The following DGKI variants were observed in gnomAD, a reference collection of about 807,000 sequenced individuals.
The protein encoded by DGKI is diacylglycerol kinase iota.
DGKI carries 55 observed loss-of-function variants against 147.5 expected under a neutral mutation model. The ratio of observed to expected loss-of-function variants is 0.37; its 90% CI spans 0.30 to 0.47. DGKI has a LOEUF of 0.47. DGKI is among the 20% of genes least tolerant of loss of function. DGKI has a pLI of 1.00. For missense variants in DGKI, 1,007 were observed against 1,323.8 expected, an observed-to-expected ratio of 0.76 and a Z score of 3.71; for synonymous variants, 469 against 477.1, an observed-to-expected ratio of 0.98 and a Z score of 0.22.
intron 29 of DGKI, among the ~76,000 whole-genome samples, chr7:137,409,785 C>T (rs777052515): frequency 6.6e-6 from 1 of 152,168 alleles, no homozygotes; most frequent in South Asian, 2.1e-4. Flanking sequence ...TCCACGGACA[C>T]TTTCTGCAGC....
chr7:137,608,933 C>A (rs374809070), intron 10 of DGKI, 33 bp downstream of exon 10: 2 of 1,526,956 alleles, frequency 1.3e-6, no homozygotes, highest in Non-Finnish European at 1.8e-6. Context: ...ATTATCAAAA[C>A]TTCTAAGTTG....
intron 27 of DGKI, among the ~76,000 whole-genome samples, chr7:137,448,637 GGGAAGGA>G (rs1458459521): frequency 0.064 from 502 of 7,856 alleles, 97 homozygotes; most frequent in Non-Finnish European, 0.13. Context: ...GAGGGAGGAA[GGGAAGGA>G]GGAGGGAGGG....
At chr7:137,429,462 C>T (rs1419462793) in intron 28 of DGKI, among the ~76,000 whole-genome samples, 19 of 150,604 alleles carry the variant, frequency 1.3e-4, no homozygotes, top group African/African-American at 4.6e-4. Flanking sequence ...AGAAGAAAAC[C>T]TAGGCATTAC....
At chr7:137,686,973 T>G (rs559101511) in intron 2 of DGKI, among the ~76,000 whole-genome samples, 1 of 152,294 alleles carries the variant, frequency 6.6e-6, no homozygotes, top group African/African-American at 2.4e-5. Context: ...TGAACGTTTT[T>G]TTTAATCTTT....
intron 19 of DGKI, among the ~76,000 whole-genome samples, chr7:137,567,541 A>G (rs1818630941): frequency 6.6e-6 from 1 of 152,194 alleles, no homozygotes; most frequent in South Asian, 2.1e-4. Flanking sequence ...TCAGACTCAG[A>G]AACTTGACAG....
Position 137,638,624 on chromosome 7 carries a change from A to ATATGTG in DGKI, c.804+6847_804+6848insCACATA, listed in dbSNP as rs1199740243. Among the ~76,000 whole-genome samples the ATATGTG allele has an allele frequency of 8.7e-4, 2 of 2,306 alleles. 1 individual carries two copies. The highest frequency in any genetic ancestry group is 1.5e-3 in the African/African-American group (2 of 1,320). The allele number at this position is 2,306 out of a possible 152,430, so 1.5% of individuals were successfully genotyped here. ...TATGTATATATATACACACACACAT[A>ATATGTG]TATATGTGTGTATATATGTGTATGT... is the stretch of plus-strand genomic sequence containing the variant. On this transcript the variant is annotated intron_variant, in intron 6 of 32. Coordinates refer to ENST00000614521, the MANE Select transcript of DGKI (RefSeq NM_001321708.2).
At chr7:137,646,346 T>C (rs1297773789) in intron 5 of DGKI, among the ~76,000 whole-genome samples, 1 of 152,222 alleles carries the variant, frequency 6.6e-6, no homozygotes, top group Non-Finnish European at 1.5e-5. Flanking sequence ...AGCATATCAA[T>C]GATGTTTTTG....
At chr7:137,513,342 T>G (rs996124400) in intron 21 of DGKI, among the ~76,000 whole-genome samples, 1 of 152,150 alleles carries the variant, frequency 6.6e-6, no homozygotes, top group Non-Finnish European at 1.5e-5. Context: ...GCACTGCTCC[T>G]GCATTTGGCC....
At chr7:137,443,398 G>A (rs935077815) in intron 28 of DGKI, among the ~76,000 whole-genome samples, 16 of 151,964 alleles carry the variant, frequency 1.1e-4, no homozygotes, top group African/African-American at 3.6e-4. Flanking sequence ...GATACAAAGG[G>A]GCCCCAAACC....
rs941925309 is a variant in DGKI, at chr7:137,388,492, T to C, written c.*2728A>G. 1 of 152,142 alleles carries C rather than the reference T, an allele frequency of 6.6e-6. No homozygotes were observed. Among genetic ancestry groups the C allele is most frequent in the Non-Finnish European group, 1.5e-5 (1 of 68,026 alleles). The allele number at this position is 152,142 out of a possible 1,614,324, so 9.4% of individuals were successfully genotyped here. ...GAAATGATATTTCTATAGGTACATATTTTTATGTCTGTTAAAGTTACATGG... is the reference window on the plus strand; with the variant it reads ...GAAATGATATTTCTATAGGTACATACTTTTATGTCTGTTAAAGTTACATGG... On this transcript the variant is annotated 3_prime_UTR_variant, in exon 33 of 33. Transcript: ENST00000614521.
chr7:137,702,150 GA>G (rs1824006152), intron 1 of DGKI, among the ~76,000 whole-genome samples: 1 of 152,090 alleles, frequency 6.6e-6, no homozygotes, highest in African/African-American at 2.4e-5. Flanking sequence ...AATACATCAA[GA>G]AGGATCACAG....
intron 6 of DGKI, among the ~76,000 whole-genome samples, chr7:137,625,669 A>T (rs774261015): frequency 1.1e-4 from 17 of 150,946 alleles, no homozygotes; most frequent in Admixed American, 4.6e-4. Flanking sequence ...ATGCTGAGGT[A>T]GGCAGATTGC....
intron 28 of DGKI, among the ~76,000 whole-genome samples, chr7:137,430,714 A>G (rs901308001): frequency 1.1e-4 from 17 of 152,172 alleles, no homozygotes; most frequent in African/African-American, 4.1e-4. Context: ...TCCAAAAACG[A>G]AGATTCGCAT....
intron 28 of DGKI, among the ~76,000 whole-genome samples, chr7:137,438,529 A>G (rs1036630472): frequency 1.3e-5 from 2 of 152,150 alleles, no homozygotes; most frequent in Non-Finnish European, 2.9e-5. Flanking sequence ...TTATAATGCT[A>G]TAAGTTAAAT....
intron 8 of DGKI, among the ~76,000 whole-genome samples, chr7:137,615,239 T>C (rs997035521): frequency 2.6e-5 from 4 of 151,926 alleles, no homozygotes; most frequent in Non-Finnish European, 4.4e-5. Flanking sequence ...TCCGAGATAG[T>C]AGGAGGCACT....
chr7:137,587,260 A>G, intron 12 of DGKI, 50 bp from the exon 13 acceptor site: 1 of 1,420,598 alleles, frequency 7.0e-7, no homozygotes, highest in Non-Finnish European at 9.5e-7. Flanking sequence ...TAAATAAGTT[A>G]CAAAGAAAAC....
intron 10 of DGKI, among the ~76,000 whole-genome samples, chr7:137,605,180 T>C (rs375924364): frequency 6.6e-6 from 1 of 151,968 alleles, no homozygotes; most frequent in South Asian, 2.1e-4. Flanking sequence ...TGGTGACACA[T>C]GCCTGTAATC....
intron 20 of DGKI, among the ~76,000 whole-genome samples, chr7:137,523,416 G>T (rs1016791346): frequency 1.3e-5 from 2 of 150,632 alleles, no homozygotes; most frequent in Non-Finnish European, 2.9e-5. Context: ...ACTCACACAT[G>T]GTGCATTCTC....
At position 137,690,015 on chromosome 7, in the gene DGKI, G is replaced by T; in HGVS notation, c.402-13C>A. ...GGAGATTGCTTTCCTGCAGCAAGAA[G>T]AAAAACAAAAACAAAAACAAAGAAA... On this transcript the variant is annotated splice_polypyrimidine_tract_variant and intron_variant, in intron 1 of 32. Transcript: ENST00000614521. 1 of 1,541,306 alleles carries T rather than the reference G, an allele frequency of 6.5e-7. No individual in the cohort carries two copies. Among genetic ancestry groups the T allele is most frequent in the Non-Finnish European group, 8.8e-7 (1 of 1,134,604 alleles).
Sources: gnomAD v4.1 joint callset for allele counts (sites outside exome capture counted in the v4.1 genomes callset) on GRCh38, gnomAD v4.1.1 for gene constraint, MANE v1.5 for transcripts, NCBI Gene and HGNC (gene_info 2026-07-23, HGNC 2026-07-21) for gene names.